The following SLC38A9 variants were observed in gnomAD, a reference collection of about 807,000 sequenced individuals.
SLC38A9 encodes solute carrier family 38 member 9, also known as neutral amino acid transporter 9.
Under a neutral mutation model 62.3 loss-of-function variants are expected in SLC38A9, and 48 were observed. That is an observed-to-expected ratio of 0.77 (90% CI 0.61 to 0.98). The LOEUF (loss-of-function observed/expected upper bound fraction) is 0.98. SLC38A9 is among the 50% of genes least tolerant of loss of function. SLC38A9 has a pLI of 0.00. For synonymous variants in SLC38A9, 204 were observed against 227.7 expected (o/e 0.90, Z 0.94); for missense variants, 541 against 679.8 (o/e 0.80, Z 2.27).
intron 3 of SLC38A9, among the ~76,000 whole-genome samples, chr5:55,686,279 C>T (rs998759036): frequency 1.3e-5 from 2 of 152,158 alleles, no homozygotes; most frequent in Admixed American, 6.5e-5. Context: ...CAGAACCTCA[C>T]CAGCATCTGT....
At position 55,649,203 on chromosome 5, in the gene SLC38A9, T is replaced by C; in HGVS notation, c.1060+4A>G. 6.4e-7 allele frequency: 1 copy of C among 1,552,938 alleles called. No homozygotes were observed. ...ATAATTTATTATTTTGCCAAAAAGC[T>C]CACCTGGTACAAAAAATTCTGTTGG... On this transcript the variant is annotated splice_donor_region_variant and intron_variant, in intron 11 of 15. Coordinates refer to ENST00000396865, the MANE Select transcript of SLC38A9 (RefSeq NM_173514.4).
At chr5:55,650,938 T>C (rs1747279105) in intron 10 of SLC38A9, among the ~76,000 whole-genome samples, 1 of 151,378 alleles carries the variant, frequency 6.6e-6, no homozygotes, top group Non-Finnish European at 1.5e-5. Flanking sequence ...ATTACAGGCA[T>C]GCGCCACCAT....
At chr5:55,691,039 G>A (rs1314333531) in intron 3 of SLC38A9, 13 of 630,232 alleles carry the variant, frequency 2.1e-5, no homozygotes, top group Admixed American at 1.2e-4. Context: ...GTGCACGCTA[G>A]AGGACATTAT....
intron 8 of SLC38A9, among the ~76,000 whole-genome samples, chr5:55,661,318 G>C (rs867056261): frequency 8.6e-5 from 13 of 151,836 alleles, no homozygotes; most frequent in Non-Finnish European, 1.5e-4. Context: ...GGTGGTGGGC[G>C]CCTGTAGTCC....
intron 2 of SLC38A9, among the ~76,000 whole-genome samples, chr5:55,705,132 G>A (rs1757127796): frequency 6.6e-6 from 1 of 152,136 alleles, no homozygotes; most frequent in South Asian, 2.1e-4. Flanking sequence ...ATCAGCTGAT[G>A]TATCTACATG....
chr5:55,649,122 A>C, intron 11 of SLC38A9, 85 bp downstream of exon 11: 2 of 666,938 alleles, frequency 3.0e-6, no homozygotes, highest in Non-Finnish European at 4.6e-6. Context: ...CAGCATAAAA[A>C]AAAAATCATT....
At chr5:55,683,162 A>AG in intron 3 of SLC38A9, among the ~76,000 whole-genome samples, 1 of 152,182 alleles carries the variant, frequency 6.6e-6, no homozygotes, top group Non-Finnish European at 1.5e-5. Flanking sequence ...CTCACCTAAA[A>AG]ACGTCATAGA....
intron 2 of SLC38A9, among the ~76,000 whole-genome samples, chr5:55,710,704 C>G (rs1250120337): frequency 6.6e-6 from 1 of 151,924 alleles, no homozygotes; most frequent in East Asian, 2.0e-4. Flanking sequence ...CAACCTCCGC[C>G]TCCTGGGTTC....
rs1198560020 is a variant in SLC38A9 at position 55,704,753 on chromosome 5, G to GGGCT, written c.-35+6695_-35+6698dup. On this transcript the variant is annotated intron_variant, in intron 2 of 15. Transcript: ENST00000396865. ...ACACACATTGGGTAATTTGAGATTT[G>GGGCT]GGCTATTCTGGTGCTATCAAGTAGT... Among the ~76,000 whole-genome samples, 4 of 152,160 alleles carry GGGCT rather than the reference G, an allele frequency of 2.6e-5. 1 individual carries two copies. In the East Asian group the frequency reaches 7.7e-4, roughly 29 times the overall value.
intron 11 of SLC38A9, 92 bp from the exon 12 acceptor site, chr5:55,645,987 C>T (rs1382006416): frequency 9.6e-6 from 7 of 730,318 alleles, no homozygotes; most frequent in Non-Finnish European, 1.6e-5. Context: ...TCAGTTGTCA[C>T]TGTTTTATCC....
intron 13 of SLC38A9, 149 bp from the exon 14 acceptor site, chr5:55,634,051 A>G: frequency 3.9e-6 from 2 of 512,880 alleles, no homozygotes; most frequent in East Asian, 6.4e-5. Context: ...CTTGTTAAGT[A>G]TTTTTTCAAT....
chr5:55,710,067 C>CAAAAAAAAAAAAAAAAAAAAAA (rs1174162436), intron 2 of SLC38A9, among the ~76,000 whole-genome samples: 8 of 20,794 alleles, frequency 3.8e-4, no homozygotes, highest in Non-Finnish European at 5.9e-4. Flanking sequence ...GACTCCATCT[C>CAAAAAAAAAAAAAAAAAAAAAA]AAAAAAAAAA....
chr5:55,660,859 T>C (rs1246117553), intron 8 of SLC38A9, among the ~76,000 whole-genome samples: 1 of 151,828 alleles, frequency 6.6e-6, no homozygotes, highest in Admixed American at 6.6e-5. Context: ...AATGAAAAAA[T>C]GGTTGAAAAA....
intron 12 of SLC38A9, among the ~76,000 whole-genome samples, chr5:55,636,151 A>G (rs1234756124): frequency 1.3e-5 from 2 of 152,234 alleles, no homozygotes; most frequent in Admixed American, 6.5e-5. Context: ...TATATTTAAT[A>G]AAGAAAGAAA....
At position 55,652,704 on chromosome 5, in the gene SLC38A9, C is replaced by G. The variant is rs1274369617; in HGVS notation, c.777G>C (p.Gly259=). 3 of 1,612,320 alleles carry G rather than the reference C, an allele frequency of 1.9e-6. No individual in the cohort carries two copies. The African/African-American group carries it at 4.0e-5, about 22-fold the overall frequency. The change falls in exon 10 of 16, where the codon GGG becomes GGC. Residue 259 remains glycine, a synonymous_variant. Transcript: ENST00000396865. The stretch of plus-strand genomic sequence containing the variant: ...AGCTGTTGTCAGGATGGCCTCCACT[C>G]CCGGCACTTGGACAAATCACTGCAA... ...NSNPVICPSA[G]SGGHPDNSSM...
intron 3 of SLC38A9, among the ~76,000 whole-genome samples, chr5:55,693,740 T>A (rs187803753): frequency 6.6e-6 from 1 of 152,286 alleles, no homozygotes; most frequent in East Asian, 1.9e-4. Context: ...TAATTAAGGA[T>A]GAATCTCATA....
intron 3 of SLC38A9, among the ~76,000 whole-genome samples, chr5:55,679,226 T>C (rs530865383): frequency 6.6e-6 from 1 of 152,322 alleles, no homozygotes; most frequent in African/African-American, 2.4e-5. Flanking sequence ...CTCATTTTTT[T>C]AAGATTGTTA....
intron 3 of SLC38A9, chr5:55,692,981 C>T: frequency 1.0e-6 from 1 of 983,852 alleles, no homozygotes; most frequent in Non-Finnish European, 1.2e-6. Flanking sequence ...TTAAGAAAGA[C>T]TAAAAACTTA....
chr5:55,671,332 A>G (rs967432775), intron 4 of SLC38A9, among the ~76,000 whole-genome samples: 1 of 151,886 alleles, frequency 6.6e-6, no homozygotes, highest in African/African-American at 2.4e-5. Flanking sequence ...AATTTTATAA[A>G]TTTTATAATT....
Sources: allele counts gnomAD v4.1 joint callset (sites outside exome capture counted in the v4.1 genomes callset), GRCh38; gene constraint gnomAD v4.1.1; transcripts MANE v1.5; gene names NCBI Gene and HGNC (gene_info 2026-07-23, HGNC 2026-07-21).